WDFY2: variants seen among roughly 807,000 people sequenced by gnomAD.
WDFY2 encodes the protein WD repeat and FYVE domain-containing protein 2.
A neutral mutation model predicts 56.4 loss-of-function variants in WDFY2; 36 were observed. The ratio of observed to expected loss-of-function variants is 0.64; its 90% confidence interval spans 0.49 to 0.84. The LOEUF (loss-of-function observed/expected upper bound fraction) is 0.84. WDFY2 is among the 40% of genes least tolerant of loss of function. The probability of loss-of-function intolerance (pLI) is 0.00; values close to 1 mark genes in which losing one functional copy is unlikely to be tolerated. For synonymous variants in WDFY2, 176 were observed against 183.7 expected (o/e 0.96, Z 0.34); for missense variants, 444 against 512.2 (o/e 0.87, Z 1.29).
intron 4 of WDFY2, among the ~76,000 whole-genome samples, chr13:51,707,034 A>G (rs559921279): frequency 1.3e-5 from 2 of 152,378 alleles, no homozygotes; most frequent in East Asian, 3.9e-4. Context: ...AGAACCAAAT[A>G]GAACTTTTAG....
chr13:51,767,700 T>G lies in WDFY2; in HGVS notation c.*7931T>G. 6.5e-6 allele frequency: 1 copy of G among 154,022 alleles called. No individual in the cohort carries two copies. The highest frequency in any genetic ancestry group is 1.4e-5 in the Non-Finnish European group (1 of 70,106). The allele number at this position is 154,022 out of a possible 1,614,324, so 9.5% of individuals were successfully genotyped here. A position where few individuals can be genotyped will look rare whatever the true frequency, so the allele number is the denominator to read the frequency against. ...AAACTAGGCCTCATTAAATTGTTTGTGTAAATATGCATCGTCCCTTGGTTA... is the reference window on the plus strand; with the variant it reads ...AAACTAGGCCTCATTAAATTGTTTGGGTAAATATGCATCGTCCCTTGGTTA... On this transcript the variant is annotated 3_prime_UTR_variant, in exon 12 of 12. Transcript: ENST00000298125.
chr13:51,765,439 A>G lies in WDFY2; in HGVS notation c.*5670A>G, dbSNP rs1953717182. On this transcript the variant is annotated 3_prime_UTR_variant, in exon 12 of 12. Coordinates refer to ENST00000298125, the MANE Select transcript of WDFY2 (RefSeq NM_052950.4). ...GGGATGTCTTCCTTGCATGTCCCAT[A>G]CCAGGGAATTTTTTTAACACACAGT... The G allele has an allele frequency of 6.6e-6, 1 of 152,186 alleles. No homozygotes were observed. The allele number at this position is 152,186 out of a possible 1,614,324, so 9.4% of individuals were successfully genotyped here.
intron 1 of WDFY2, among the ~76,000 whole-genome samples, chr13:51,605,091 A>G (rs1019857078): frequency 5.9e-5 from 9 of 152,260 alleles, no homozygotes; most frequent in African/African-American, 2.2e-4. Flanking sequence ...TGAGACAGCA[A>G]TCAAAGAGAA....
At chr13:51,614,179 C>T (rs1189206236) in intron 1 of WDFY2, among the ~76,000 whole-genome samples, 1 of 119,862 alleles carries the variant, frequency 8.3e-6, no homozygotes, top group African/African-American at 3.3e-5. Context: ...GTGCGAGACT[C>T]GGTCTCCAAA....
intron 4 of WDFY2, among the ~76,000 whole-genome samples, chr13:51,707,252 T>C (rs571627051): frequency 1.3e-5 from 2 of 152,272 alleles, no homozygotes; most frequent in Admixed American, 1.3e-4. Context: ...CTCTGGCTCC[T>C]GGGCTCAAGC....
intron 1 of WDFY2, among the ~76,000 whole-genome samples, chr13:51,657,223 C>T (rs1035625071): frequency 2.0e-5 from 3 of 151,992 alleles, no homozygotes; most frequent in Non-Finnish European, 2.9e-5. Flanking sequence ...CTGTTCCTAC[C>T]CCTTTTGTTG....
At chr13:51,692,025 A>G (rs1956170805) in intron 3 of WDFY2, among the ~76,000 whole-genome samples, 1 of 152,106 alleles carries the variant, frequency 6.6e-6, no homozygotes, top group African/African-American at 2.4e-5. Context: ...AATGCTTGTG[A>G]TTTTTGTACA....
intron 2 of WDFY2, among the ~76,000 whole-genome samples, chr13:51,662,393 A>G (rs1434282312): frequency 1.3e-5 from 2 of 152,202 alleles, no homozygotes. Flanking sequence ...AGTTGGCCTC[A>G]GAGATCAATA....
At position 51,758,294 on chromosome 13, in the gene WDFY2, T is replaced by C; in HGVS notation, c.1167T>C (p.Val389=). ...TACTGACTTCTGGAACTGACAAGGT[T>C]ATTAAGGTAAGATGCCATCTTATTA... ...GWLLTSGTDK[V]IKLWDMTPVV... is the part of the protein sequence containing the mutation. The change falls in exon 11 of 12, where the codon GTT becomes GTC. Residue 389 remains valine (V), a synonymous_variant. Coordinates refer to ENST00000298125, the MANE Select transcript of WDFY2 (RefSeq NM_052950.4). The C allele has an allele frequency of 6.3e-7, 1 of 1,587,826 alleles. No homozygotes were observed. Among genetic ancestry groups the C allele is most frequent in the Non-Finnish European group, 8.6e-7 (1 of 1,159,904 alleles).
chr13:51,739,200 AG>A lies in WDFY2; in HGVS notation c.725+26del, dbSNP rs796956709. On this transcript the variant is annotated intron_variant, in intron 7 of 11. Transcript: ENST00000298125. ...AGTAAGGTTGCTGGTGCTTTCATAA[AG>A]ACTCTGAGAAAAGATTCTCAGCTGA... The A allele has an allele frequency of 1.9e-6, 3 of 1,564,102 alleles. No individual in the cohort carries two copies. In the African/African-American group the frequency reaches 4.1e-5, roughly 21 times the overall value.
At chr13:51,660,947 TG>T (rs1434802400) in intron 2 of WDFY2, among the ~76,000 whole-genome samples, 1 of 152,230 alleles carries the variant, frequency 6.6e-6, no homozygotes, top group Non-Finnish European at 1.5e-5. Context: ...TCCAACTTTT[TG>T]TTCAGCTATT....
chr13:51,673,321 C>G (rs1000639774), intron 2 of WDFY2, among the ~76,000 whole-genome samples: 9 of 152,164 alleles, frequency 5.9e-5, no homozygotes, highest in African/African-American at 2.2e-4. Context: ...ACAGGAAATA[C>G]TTTTAGATGG....
At chr13:51,660,468 G>A in intron 1 of WDFY2, 128 bp from the exon 2 acceptor site, 1 of 702,826 alleles carries the variant, frequency 1.4e-6, no homozygotes, top group South Asian at 2.0e-5. Context: ...TCAAAGTGCT[G>A]GGACAGGCTT....
intron 1 of WDFY2, among the ~76,000 whole-genome samples, chr13:51,633,313 A>G (rs2138385068): frequency 6.6e-6 from 1 of 152,320 alleles, no homozygotes; most frequent in South Asian, 2.1e-4. Flanking sequence ...GGAGTGATTA[A>G]GAGTTTAAAC....
At chr13:51,738,140 T>C (rs1952883524) in intron 6 of WDFY2, among the ~76,000 whole-genome samples, 1 of 152,240 alleles carries the variant, frequency 6.6e-6, no homozygotes, top group South Asian at 2.1e-4. Flanking sequence ...AGAAGCTATT[T>C]TATGTTCTTT....
At chr13:51,705,521 C>G (rs1446800020) in intron 4 of WDFY2, among the ~76,000 whole-genome samples, 1 of 151,812 alleles carries the variant, frequency 6.6e-6, no homozygotes, top group Non-Finnish European at 1.5e-5. Flanking sequence ...GTGGAGCAAT[C>G]AACTCAAGCT....
chr13:51,644,177 G>T (rs141735791), intron 1 of WDFY2, among the ~76,000 whole-genome samples: 1 of 152,172 alleles, frequency 6.6e-6, no homozygotes, highest in Non-Finnish European at 1.5e-5. Context: ...TTAAGCATTA[G>T]TCAGTAAGAG....
intron 3 of WDFY2, among the ~76,000 whole-genome samples, chr13:51,695,238 T>C (rs1027906470): frequency 8.5e-5 from 13 of 152,232 alleles, no homozygotes; most frequent in African/African-American, 3.1e-4. Flanking sequence ...GCTGCGTTCC[T>C]TTGGAGGAGG....
At position 51,758,252 on chromosome 13, in the gene WDFY2, T is replaced by A. The variant is rs779270096; in HGVS notation, c.1125T>A (p.Asp375Glu). 3.4e-5 allele frequency: 55 copies of A among 1,603,360 alleles called. 1 individual carries two copies. In the South Asian group the frequency reaches 5.4e-4, roughly 16 times the overall value. Residue 375 changes from aspartate (D) to glutamate (E), a missense_variant, in exon 11 of 12, where the codon GAT becomes GAA. By Grantham distance (45) the Asp-to-Glu change is conservative. Transcript: ENST00000298125. ...SKHNIVHVHF[D>E]ATRGWLLTSG... ...ATAACATTGTGCATGTGCATTTCGATGCAACCAGAGGATGGTTACTGACTT... is the reference window on the plus strand; with the variant it reads ...ATAACATTGTGCATGTGCATTTCGAAGCAACCAGAGGATGGTTACTGACTT...
Sources: allele counts gnomAD v4.1 joint callset (sites outside exome capture counted in the v4.1 genomes callset), GRCh38; gene constraint gnomAD v4.1.1; transcripts MANE v1.5; gene names NCBI Gene and HGNC (gene_info 2026-07-23, HGNC 2026-07-21).